Variants in KAT6A observed in about 807,000 individuals in gnomAD.
KAT6A encodes the protein histone acetyltransferase KAT6A.
In KAT6A, 9 loss-of-function variants were observed where a neutral mutation model predicts 198.4. That is an observed-to-expected ratio of 0.05 (90% CI 0.03 to 0.08). KAT6A has a LOEUF of 0.08. Among genes scored for constraint, KAT6A ranks in the 10% least tolerant of loss-of-function variants. KAT6A has a pLI of 1.00. For synonymous variants in KAT6A, 890 were observed against 883.0 expected (o/e 1.01, Z -0.14); for missense variants, 2,077 against 2,509.9 (o/e 0.83, Z 3.69).
In KAT6A at chr8:41,934,692, A is replaced by G. The variant is rs767052710; in HGVS notation, c.3528T>C (p.Ser1176=). 14 of 1,613,994 alleles carry G rather than the reference A, an allele frequency of 8.7e-6. No individual in the cohort carries two copies. In the South Asian group the frequency reaches 1.5e-4, roughly 18 times the overall value. The change falls in exon 17 of 17, where the codon AGT becomes AGC. Residue 1176 remains serine (S), a synonymous_variant. Coordinates refer to ENST00000265713, the MANE Select transcript of KAT6A (RefSeq NM_006766.5). ...RPGRKPGFKL[S]REIMPVSTQA... ...GAGTAGAAACTGGCATGATTTCCCG[A>G]CTCAACTTAAATCCTGGTTTTCGAC...
intron 13 of KAT6A, 110 bp downstream of exon 13, chr8:41,943,638 G>C: frequency 1.5e-6 from 1 of 677,840 alleles, no homozygotes; most frequent in Non-Finnish European, 2.6e-6. Context: ...TTATCACCAA[G>C]TATATCATTT....
rs1381190981 is a variant in KAT6A, at chr8:41,931,071, C to G, written c.*1134G>C. On this transcript the variant is annotated 3_prime_UTR_variant, in exon 17 of 17. Transcript: ENST00000265713. ...CACACATCTGCGCCATCTCTTCCAA[C>G]ATAAAATAAACTGTTTCAATGGTTT... The G allele has an allele frequency of 1.4e-5, 3 of 219,754 alleles. No homozygotes were observed. Among genetic ancestry groups the G allele is most frequent in the African/African-American group, 6.7e-5 (3 of 44,456 alleles). 13.6% of individuals were successfully genotyped at this position (219,754 alleles called of 1,614,324 possible). A position where few individuals can be genotyped will look rare whatever the true frequency, so the allele number is the denominator to read the frequency against.
chr8:42,042,650 A>G (rs939251890), intron 2 of KAT6A, among the ~76,000 whole-genome samples: 1 of 152,240 alleles, frequency 6.6e-6, no homozygotes, highest in African/African-American at 2.4e-5. Flanking sequence ...TTTCTGCTCC[A>G]GGTTACCCAG....
rs1416718225 is a variant in KAT6A, at chr8:41,976,929, C to T, written c.1363+79G>A. Reference sequence around the variant, plus strand: ...AATTGTTAATAATCAAATATAAATCCATTATAGATAATTAGTGTTATCCCG... The same window carrying T: ...AATTGTTAATAATCAAATATAAATCTATTATAGATAATTAGTGTTATCCCG... On this transcript the variant is annotated intron_variant, in intron 7 of 16. Transcript: ENST00000265713. The T allele has an allele frequency of 1.7e-5, 20 of 1,143,120 alleles. No homozygotes were observed. In the East Asian group the frequency reaches 2.4e-4, roughly 14 times the overall value. 70.8% of individuals were successfully genotyped at this position (1,143,120 alleles called of 1,614,324 possible).
Position 41,943,124 on chromosome 8 carries a change from G to T in KAT6A, c.2229-124C>A, listed in dbSNP as rs1209788405. 14 of 1,257,464 alleles carry T rather than the reference G, an allele frequency of 1.1e-5. No homozygotes were observed. In the South Asian group the frequency reaches 2.0e-4, roughly 18 times the overall value. 77.9% of individuals were successfully genotyped at this position (1,257,464 alleles called of 1,614,324 possible). On this transcript the variant is annotated intron_variant, in intron 13 of 16. Transcript: ENST00000265713. ...GGTGCTGCAAAGATAGCCTGCCTGG[G>T]ACGATGGAATGCAGAAATGTGCCAC...
intron 2 of KAT6A, among the ~76,000 whole-genome samples, chr8:42,027,104 G>C (rs1242277580): frequency 6.6e-6 from 1 of 152,180 alleles, no homozygotes; most frequent in Non-Finnish European, 1.5e-5. Flanking sequence ...ATTTGAATAT[G>C]CATCCCTAGG....
intron 2 of KAT6A, among the ~76,000 whole-genome samples, chr8:42,013,916 T>C (rs1587825582): frequency 6.6e-6 from 1 of 152,128 alleles, no homozygotes; most frequent in Non-Finnish European, 1.5e-5. Flanking sequence ...AGTAAATATA[T>C]TCAGTTCTGA....
Position 41,937,439 on chromosome 8 carries a change from G to A in KAT6A, c.3169C>T (p.Pro1057Ser). 1.2e-6 allele frequency: 2 copies of A among 1,614,050 alleles called. No individual in the cohort carries two copies. The highest frequency in any genetic ancestry group is 1.7e-6 in the Non-Finnish European group (2 of 1,179,998). ...AACGTGGGTTCTAATCTTGGCATTGGCCTCTCGGAGTCAGAATCTTCAAAA... is the reference window on the plus strand; with the variant it reads ...AACGTGGGTTCTAATCTTGGCATTGACCTCTCGGAGTCAGAATCTTCAAAA... The part of the protein sequence containing the change: ...EPFEDSDSER[P>S]MPRLEPTFEI... Residue 1057 changes from proline to serine, a missense_variant, in exon 16 of 17, where the codon CCA becomes TCA. Physicochemically the swap from Pro to Ser is moderately conservative, Grantham distance 74. Coordinates refer to ENST00000265713, the MANE Select transcript of KAT6A (RefSeq NM_006766.5).
intron 7 of KAT6A, among the ~76,000 whole-genome samples, chr8:41,976,173 C>T (rs898715446): frequency 1.3e-5 from 2 of 152,178 alleles, no homozygotes; most frequent in Non-Finnish European, 2.9e-5. Context: ...AGGAGACATT[C>T]AGGGAGGAAA....
intron 2 of KAT6A, among the ~76,000 whole-genome samples, chr8:42,034,923 C>T (rs1827295271): frequency 6.6e-6 from 1 of 152,206 alleles, no homozygotes; most frequent in African/African-American, 2.4e-5. Flanking sequence ...GGTCATAAAG[C>T]AAGTAGTCCC....
chr8:41,965,309 T>C (rs772546485), intron 8 of KAT6A, among the ~76,000 whole-genome samples: 1 of 152,236 alleles, frequency 6.6e-6, no homozygotes, highest in Non-Finnish European at 1.5e-5. Context: ...ATTATTCTTT[T>C]TATTTTTGTC....
intron 2 of KAT6A, among the ~76,000 whole-genome samples, chr8:42,013,967 G>A (rs1263714510): frequency 1.3e-5 from 2 of 152,216 alleles, no homozygotes; most frequent in African/African-American, 2.4e-5. Context: ...GTCTGCCGCG[G>A]TACCGTGAAA....
At position 41,941,376 on chromosome 8, in the gene KAT6A, T is replaced by C. The variant is rs539733080; in HGVS notation, c.2505A>G (p.Pro835=). Residue 835 remains proline, a synonymous_variant, in exon 15 of 17, where the codon CCA becomes CCG. Coordinates refer to ENST00000265713, the MANE Select transcript of KAT6A (RefSeq NM_006766.5). ...DSYSVESEKK[P]EVMAPVSSTR... ...TAGAACTGACTGGAGCCATAACTTC[T>C]GGTTTCTTTTCACTTTCTACTGAAT... 32 of 1,611,172 alleles carry C rather than the reference T, an allele frequency of 2.0e-5. 1 individual carries two copies. The Middle Eastern group carries it at 2.0e-3, about 100-fold the overall frequency.
intron 15 of KAT6A, among the ~76,000 whole-genome samples, chr8:41,938,376 A>G (rs2150859426): frequency 6.6e-6 from 1 of 152,334 alleles, no homozygotes; most frequent in African/African-American, 2.4e-5. Context: ...TAAATTGGCA[A>G]TACAAGTGCT....
In KAT6A at chr8:41,977,294, G is replaced by A; in HGVS notation, c.1077C>T (p.Gly359=). The A allele has an allele frequency of 7.4e-6, 12 of 1,613,942 alleles. No individual in the cohort carries two copies. The highest frequency in any genetic ancestry group is 1.7e-5 in the Admixed American group (1 of 60,022). The change falls in exon 7 of 17, where the codon GGC becomes GGT. Residue 359 remains glycine, a synonymous_variant. Coordinates refer to ENST00000265713, the MANE Select transcript of KAT6A (RefSeq NM_006766.5). ...TTTTTCGTTTCCTACCCCTTCCAGG[G>A]CCAGTTCGAACTTTGCTGAAGGGAC... The part of the protein sequence containing the change: ...SKGPFSKVRT[G]PGRGRKRKIT...
rs1824184686 is a variant in KAT6A at position 41,978,576 on chromosome 8, T to C, written c.1043+66A>G. 7.3e-6 allele frequency: 11 copies of C among 1,499,436 alleles called. No homozygotes were observed. In the East Asian group the frequency reaches 1.8e-4, roughly 25 times the overall value. 92.9% of individuals were successfully genotyped at this position (1,499,436 alleles called of 1,614,324 possible). A position where few individuals can be genotyped will look rare whatever the true frequency, so the allele number is the denominator to read the frequency against. ...GAATTTTTTTCATAGAGAAAACAAG[T>C]GAATCCTACACTATAGAGAAGACCC... On this transcript the variant is annotated intron_variant, in intron 6 of 16. Transcript: ENST00000265713.
At position 41,934,194 on chromosome 8, in the gene KAT6A, C is replaced by T. The variant is rs2150856521; in HGVS notation, c.4026G>A (p.Lys1342=). ...AAGACTCTTGAACACCAGGCTCCTCCTTGACATCTTCCCTCGTGGGCTGTT... is the reference window on the plus strand; with the variant it reads ...AAGACTCTTGAACACCAGGCTCCTCTTTGACATCTTCCCTCGTGGGCTGTT... ...LEEQPTREDV[K]EEPGVQESFL... The change falls in exon 17 of 17, where the codon AAG becomes AAA. Residue 1342 remains lysine, a synonymous_variant. Transcript: ENST00000265713. The T allele has an allele frequency of 6.2e-7, 1 of 1,614,176 alleles. No individual in the cohort carries two copies. Among genetic ancestry groups the T allele is most frequent in the East Asian group, 2.2e-5 (1 of 44,880 alleles).
At chr8:42,015,573 C>T (rs914096737) in intron 2 of KAT6A, among the ~76,000 whole-genome samples, 2 of 152,086 alleles carry the variant, frequency 1.3e-5, no homozygotes, top group East Asian at 3.9e-4. Context: ...CCTATACAGT[C>T]GTATAAATTT....
At chr8:42,044,476 A>G (rs1368933844) in intron 2 of KAT6A, among the ~76,000 whole-genome samples, 4 of 152,180 alleles carry the variant, frequency 2.6e-5, no homozygotes, top group African/African-American at 9.7e-5. Flanking sequence ...CTAAAGTTCC[A>G]ATGTCTTCAC....
Sources: allele counts gnomAD v4.1 joint callset (sites outside exome capture counted in the v4.1 genomes callset), GRCh38; gene constraint gnomAD v4.1.1; transcripts MANE v1.5; gene names NCBI Gene and HGNC (gene_info 2026-07-23, HGNC 2026-07-21).